Variants in NOL4 observed in about 807,000 individuals in gnomAD.
NOL4 encodes nucleolar protein 4.
A neutral mutation model predicts 75.9 loss-of-function variants in NOL4; 17 were observed. The observed-to-expected ratio is 0.22, with a 90% CI of 0.15 to 0.34. NOL4 has a LOEUF of 0.34. Ranked by LOEUF, NOL4 falls within the 10% of genes least tolerant of loss-of-function variation. NOL4 has a pLI of 1.00. For synonymous variants in NOL4, 292 were observed against 289.9 expected, an observed-to-expected ratio of 1.01 and a Z score of -0.07; for missense variants, 614 against 793.5, an observed-to-expected ratio of 0.77 and a Z score of 2.72.
At chr18:33,930,859 A>G (rs1329460255) in intron 9 of NOL4, among the ~76,000 whole-genome samples, 3 of 152,176 alleles carry the variant, frequency 2.0e-5, no homozygotes, top group African/African-American at 7.2e-5. Flanking sequence ...AAAATAAAAA[A>G]TGGAATTGTC....
chr18:34,096,099 A>G (rs976336033), intron 4 of NOL4, among the ~76,000 whole-genome samples: 2 of 152,036 alleles, frequency 1.3e-5, no homozygotes, highest in African/African-American at 2.4e-5. Context: ...TTTTATCACC[A>G]CTAAAATGTA....
chr18:34,123,151 A>C (rs946127762), intron 2 of NOL4, among the ~76,000 whole-genome samples: 4 of 151,580 alleles, frequency 2.6e-5, no homozygotes, highest in Non-Finnish European at 4.4e-5. Context: ...ACTACCAAGA[A>C]GACAGCTTCT....
chr18:34,069,537 C>A (rs2077421403), intron 5 of NOL4, among the ~76,000 whole-genome samples: 2 of 151,674 alleles, frequency 1.3e-5, no homozygotes, highest in African/African-American at 4.8e-5. Context: ...ACCCATAGAT[C>A]TAAGAAGCTC....
At chr18:33,938,333 T>A (rs1020749482) in intron 9 of NOL4, among the ~76,000 whole-genome samples, 5 of 152,106 alleles carry the variant, frequency 3.3e-5, no homozygotes, top group Admixed American at 1.3e-4. Flanking sequence ...TATTTCTTCA[T>A]TATTCCCCAC....
At chr18:33,868,177 A>G (rs1020832975) in intron 10 of NOL4, among the ~76,000 whole-genome samples, 5 of 151,556 alleles carry the variant, frequency 3.3e-5, no homozygotes, top group Admixed American at 6.6e-5. Context: ...ATCTGGGGCT[A>G]CAGGCCATGC....
At chr18:34,150,518 A>G (rs1163015980) in intron 1 of NOL4, among the ~76,000 whole-genome samples, 1 of 151,784 alleles carries the variant, frequency 6.6e-6, no homozygotes, top group Non-Finnish European at 1.5e-5. Flanking sequence ...ATTGCAGAAC[A>G]GCTGGATATG....
At chr18:34,018,934 A>G (rs547588653) in intron 6 of NOL4, among the ~76,000 whole-genome samples, 81 of 152,298 alleles carry the variant, frequency 5.3e-4, no homozygotes, top group African/African-American at 1.8e-3. Context: ...ATCTTTACTT[A>G]CACCTATCCA....
intron 9 of NOL4, among the ~76,000 whole-genome samples, chr18:33,931,666 T>C (rs760374518): frequency 5.9e-5 from 9 of 151,938 alleles, no homozygotes; most frequent in African/African-American, 1.2e-4. Context: ...CCCAAGAGTA[T>C]GAGGCTACAG....
intron 5 of NOL4, among the ~76,000 whole-genome samples, chr18:34,077,486 C>T (rs905165136): frequency 6.6e-6 from 1 of 151,926 alleles, no homozygotes; most frequent in Non-Finnish European, 1.5e-5. Flanking sequence ...TATATATCCA[C>T]ACATATGCAT....
At chr18:34,153,058 G>C (rs1156254757) in intron 1 of NOL4, among the ~76,000 whole-genome samples, 1 of 151,746 alleles carries the variant, frequency 6.6e-6, no homozygotes. Flanking sequence ...TTAAGAGTTA[G>C]TTTTGCTCTT....
intron 10 of NOL4, among the ~76,000 whole-genome samples, chr18:33,880,056 A>C (rs2064167065): frequency 6.6e-6 from 1 of 152,104 alleles, no homozygotes; most frequent in African/African-American, 2.4e-5. Flanking sequence ...GATGGGTAGA[A>C]ATTGCATCTC....
chr18:34,044,890 T>C (rs1568266253), intron 5 of NOL4, among the ~76,000 whole-genome samples: 1 of 152,160 alleles, frequency 6.6e-6, no homozygotes. Context: ...TGCCCAGTCA[T>C]GGGCCAAGAC....
intron 2 of NOL4, among the ~76,000 whole-genome samples, chr18:34,107,458 G>A (rs190055128): frequency 4.6e-5 from 7 of 151,806 alleles, no homozygotes; most frequent in East Asian, 1.9e-4. Context: ...AGATAAAAGC[G>A]CTTATTTGGG....
chr18:34,124,680 G>A (rs924774051), intron 2 of NOL4, among the ~76,000 whole-genome samples: 17 of 152,064 alleles, frequency 1.1e-4, no homozygotes, highest in Admixed American at 7.9e-4. Flanking sequence ...CAAGGCAGGC[G>A]GATCACCTGA....
At chr18:34,125,655 T>A (rs1474980696) in intron 2 of NOL4, among the ~76,000 whole-genome samples, 2 of 152,208 alleles carry the variant, frequency 1.3e-5, no homozygotes, top group African/African-American at 4.8e-5. Context: ...TCTTTATTAA[T>A]GTTCGGAGTA....
At chr18:34,222,834 T>C in intron 1 of NOL4, 156 bp downstream of exon 1, 2 of 933,824 alleles carry the variant, frequency 2.1e-6, no homozygotes, top group South Asian at 3.3e-5. Flanking sequence ...GCCTGGCTAA[T>C]GCGAGTGGGG....
At chr18:33,983,246 T>C (rs939517431) in intron 6 of NOL4, among the ~76,000 whole-genome samples, 1 of 152,128 alleles carries the variant, frequency 6.6e-6, no homozygotes, top group Non-Finnish European at 1.5e-5. Context: ...GAAACTATTT[T>C]ATATGATACT....
intron 1 of NOL4, among the ~76,000 whole-genome samples, chr18:34,165,047 C>T (rs1161688703): frequency 1.4e-5 from 2 of 143,072 alleles, no homozygotes; most frequent in Non-Finnish European, 3.0e-5. Flanking sequence ...ACAATGAGAA[C>T]ACATGGACAC....
At chr18:34,045,183 G>T (rs1015089481) in intron 5 of NOL4, among the ~76,000 whole-genome samples, 3 of 152,068 alleles carry the variant, frequency 2.0e-5, no homozygotes, top group African/African-American at 7.2e-5. Context: ...AAAGTGCTGG[G>T]CTAACAGGCA....
Sources: gnomAD v4.1 joint callset for allele counts (sites outside exome capture counted in the v4.1 genomes callset) on GRCh38, gnomAD v4.1.1 for gene constraint, MANE v1.5 for transcripts, NCBI Gene and HGNC (gene_info 2026-07-23, HGNC 2026-07-21) for gene names.